Variants in BPNT1 observed in about 807,000 individuals in gnomAD.
BPNT1 encodes 3'(2'), 5'-bisphosphate nucleotidase 1, also known as 3'(2'),5'-bisphosphate nucleotidase 1.
A neutral mutation model predicts 36.9 loss-of-function variants in BPNT1; 28 were observed. The observed-to-expected ratio is 0.76, with a 90% CI of 0.56 to 1.04. The LOEUF is 1.04. BPNT1 is among the 50% of genes least tolerant of loss of function. The probability of loss-of-function intolerance (pLI) is 0.00; values close to 1 mark genes in which losing one functional copy is unlikely to be tolerated. For synonymous variants in BPNT1, 119 were observed against 130.9 expected, an observed-to-expected ratio of 0.91 and a Z score of 0.62; for missense variants, 313 against 372.9, an observed-to-expected ratio of 0.84 and a Z score of 1.32.
chr1:220,084,099 G>A (rs1198311234), intron 1 of BPNT1, among the ~76,000 whole-genome samples: 2 of 152,080 alleles, frequency 1.3e-5, no homozygotes, highest in East Asian at 1.9e-4. Flanking sequence ...ATGGGAGGCC[G>A]AGGTGGGTGG....
At chr1:220,083,441 A>C (rs899708489) in intron 1 of BPNT1, among the ~76,000 whole-genome samples, 10 of 151,184 alleles carry the variant, frequency 6.6e-5, no homozygotes, top group African/African-American at 2.4e-4. Context: ...CAGCCTCCCG[A>C]GTAGCTGGGA....
rs200261599 is a variant in BPNT1, at chr1:220,058,824, C to T, written c.*20G>A. ...GATTACAGGCATGAGCCACCGCGCC[C>T]GGCCAAATGAAACTTTCCTTTAAGG... On this transcript the variant is annotated 3_prime_UTR_variant, in exon 9 of 9. Transcript: ENST00000322067. 1.5e-3 allele frequency: 2,483 copies of T among 1,612,070 alleles called. 1 individual carries two copies. Among genetic ancestry groups the T allele is most frequent in the Non-Finnish European group, 1.9e-3 (2,241 of 1,178,634 alleles).
chr1:220,067,442 C>A, intron 5 of BPNT1, 49 bp from the exon 6 acceptor site: 1 of 1,262,680 alleles, frequency 7.9e-7, no homozygotes, highest in Non-Finnish European at 1.1e-6. Context: ...CATATTATGA[C>A]TCATCATTAC....
At chr1:220,059,975 A>G (rs1276857833) in intron 7 of BPNT1, among the ~76,000 whole-genome samples, 184 bp from the exon 8 acceptor site, 2 of 152,274 alleles carry the variant, frequency 1.3e-5, no homozygotes, top group Admixed American at 6.5e-5. Flanking sequence ...GAAGAAATAC[A>G]TAGAATAAAT....
At chr1:220,079,393 C>T (rs971175043) in intron 2 of BPNT1, among the ~76,000 whole-genome samples, 2 of 152,086 alleles carry the variant, frequency 1.3e-5, no homozygotes, top group Non-Finnish European at 2.9e-5. Flanking sequence ...GCTGGGATTA[C>T]AGGCGCTCGC....
At position 220,058,533 on chromosome 1, in the gene BPNT1, TG is replaced by T. The variant is rs1662721726; in HGVS notation, c.*310del. On this transcript the variant is annotated 3_prime_UTR_variant, in exon 9 of 9. Transcript: ENST00000322067. ...AAACTTTAAGTACTTTTTGGGTTTTTGTTTTTTTTTTTTCTGAGACAGGGCT... is the reference window on the plus strand; with the variant it reads ...AAACTTTAAGTACTTTTTGGGTTTTTTTTTTTTTTTTTCTGAGACAGGGCT... 11 of 996,488 alleles carry T rather than the reference TG, an allele frequency of 1.1e-5. No individual in the cohort carries two copies. The highest frequency in any genetic ancestry group is 9.0e-5 in the South Asian group (2 of 22,186). The allele number at this position is 996,488 out of a possible 1,614,324, so 61.7% of individuals were successfully genotyped here.
At chr1:220,085,910 A>C (rs1655672735) in intron 1 of BPNT1, among the ~76,000 whole-genome samples, 1 of 152,202 alleles carries the variant, frequency 6.6e-6, no homozygotes, top group South Asian at 2.1e-4. Context: ...TTCTCATATA[A>C]CGATTGTGAC....
At chr1:220,068,037 C>T (rs1663698760) in intron 5 of BPNT1, among the ~76,000 whole-genome samples, 1 of 152,080 alleles carries the variant, frequency 6.6e-6, no homozygotes, top group South Asian at 2.1e-4. Flanking sequence ...CTGTGATTCA[C>T]CCATTATAGC....
At chr1:220,082,296 T>A (rs1655253193) in intron 1 of BPNT1, among the ~76,000 whole-genome samples, 1 of 151,372 alleles carries the variant, frequency 6.6e-6, no homozygotes, top group South Asian at 2.1e-4. Context: ...TTCTCCTGCC[T>A]CAGCCTCGTG....
rs533725965 is a variant in BPNT1, at chr1:220,057,898, C to G, written c.*946G>C. 65 of 1,299,822 alleles carry G rather than the reference C, an allele frequency of 5.0e-5. No homozygotes were observed. In the African/African-American group the frequency reaches 9.9e-4, roughly 20 times the overall value. 80.5% of individuals were successfully genotyped at this position (1,299,822 alleles called of 1,614,324 possible). A position where few individuals can be genotyped will look rare whatever the true frequency, so the allele number is the denominator to read the frequency against. On this transcript the variant is annotated 3_prime_UTR_variant, in exon 9 of 9. Coordinates refer to ENST00000322067, the MANE Select transcript of BPNT1 (RefSeq NM_006085.6). The stretch of plus-strand genomic sequence containing the variant: ...GTGCCCTAAAGAAATCTGGTTTAGG[C>G]CAGGTGCGGTGGCTCACACCTGTAA...
Position 220,057,946 on chromosome 1 carries a change from G to A in BPNT1, c.*898C>T, listed in dbSNP as rs577005243. On this transcript the variant is annotated 3_prime_UTR_variant, in exon 9 of 9. Transcript: ENST00000322067. ...TAATCCCAGCACTTTGGGAGTCCGA[G>A]GCAGACAGATCACGATGTCAGGAGA... 26 of 969,692 alleles carry A rather than the reference G, an allele frequency of 2.7e-5. No individual in the cohort carries two copies. The highest frequency in any genetic ancestry group is 3.7e-5 in the Non-Finnish European group (26 of 702,138). The allele number at this position is 969,692 out of a possible 1,614,324, so 60.1% of individuals were successfully genotyped here.
chr1:220,069,105 T>C (rs1663809261), intron 5 of BPNT1, among the ~76,000 whole-genome samples: 1 of 152,108 alleles, frequency 6.6e-6, no homozygotes, highest in African/African-American at 2.4e-5. Flanking sequence ...GTATAGTCAT[T>C]TTGGTAACAC....
chr1:220,083,440 G>A (rs1655408657), intron 1 of BPNT1, among the ~76,000 whole-genome samples: 1 of 150,668 alleles, frequency 6.6e-6, no homozygotes, highest in Non-Finnish European at 1.5e-5. Context: ...TCAGCCTCCC[G>A]AGTAGCTGGG....
At position 220,082,022 on chromosome 1, in the gene BPNT1, T is replaced by C. The variant is rs569793899; in HGVS notation, c.-8-2168A>G. On this transcript the variant is annotated intron_variant, in intron 1 of 8. Coordinates refer to ENST00000322067, the MANE Select transcript of BPNT1 (RefSeq NM_006085.6). Reference sequence around the variant, plus strand: ...TCCCACCTCTAAATCAAATCAACATTATTTCATCGCAATAAGGGAACACAT... The same window carrying C: ...TCCCACCTCTAAATCAAATCAACATCATTTCATCGCAATAAGGGAACACAT... Among the ~76,000 whole-genome samples, 11 of 145,668 alleles carry C rather than the reference T, an allele frequency of 7.6e-5. No individual in the cohort carries two copies. The South Asian group carries it at 2.2e-3, about 29-fold the overall frequency.
chr1:220,062,858 T>C lies in BPNT1; in HGVS notation c.571A>G (p.Ile191Val), dbSNP rs563888320. Residue 191 changes from isoleucine (I) to valine (V), a missense_variant, in exon 7 of 9, where the codon ATT becomes GTT. Coordinates refer to ENST00000322067, the MANE Select transcript of BPNT1 (RefSeq NM_006085.6). ...CTATGGGATCGAGTAGTTGTGATAA[T>C]GTGTTTCCCAGCAGGGACTTCTTTC... ...QLKEVPAGKH[I>V]ITTTRSHSNK... 1 of 1,614,152 alleles carries C rather than the reference T, an allele frequency of 6.2e-7. No homozygotes were observed. The highest frequency in any genetic ancestry group is 1.3e-5 in the African/African-American group (1 of 75,034).
At chr1:220,083,239 A>C (rs199856212) in intron 1 of BPNT1, among the ~76,000 whole-genome samples, 27 of 114,732 alleles carry the variant, frequency 2.4e-4, no homozygotes, top group Non-Finnish European at 3.8e-4. Flanking sequence ...TCCATCTCAA[A>C]AAAAAAAAAA....
chr1:220,058,676 C>A lies in BPNT1; in HGVS notation c.*168G>T, dbSNP rs563299997. On this transcript the variant is annotated 3_prime_UTR_variant, in exon 9 of 9. Transcript: ENST00000322067. Reference sequence around the variant, plus strand: ...CCTCTCAAGTAGCTGGGATGACAGGCGCATGACAGGATGCCCAGTTAATTT... The same window carrying A: ...CCTCTCAAGTAGCTGGGATGACAGGAGCATGACAGGATGCCCAGTTAATTT... The A allele has an allele frequency of 2.7e-5, 21 of 767,588 alleles. No individual in the cohort carries two copies. Among genetic ancestry groups the A allele is most frequent in the Admixed American group, 6.1e-5 (2 of 32,704 alleles). 47.5% of individuals were successfully genotyped at this position (767,588 alleles called of 1,614,324 possible). A position where few individuals can be genotyped will look rare whatever the true frequency, so the allele number is the denominator to read the frequency against.
intron 3 of BPNT1, among the ~76,000 whole-genome samples, 166 bp downstream of exon 3, chr1:220,073,801 A>C (rs1399277381): frequency 6.6e-6 from 1 of 152,248 alleles, no homozygotes; most frequent in African/African-American, 2.4e-5. Flanking sequence ...ATGTCTTAAA[A>C]TCAGATATTT....
At chr1:220,076,457 T>C (rs1664553412) in intron 2 of BPNT1, among the ~76,000 whole-genome samples, 1 of 140,890 alleles carries the variant, frequency 7.1e-6, no homozygotes, top group African/African-American at 2.7e-5. Context: ...GCCAAGATCA[T>C]GCCACTGTAC....
Sources: allele counts gnomAD v4.1 joint callset (sites outside exome capture counted in the v4.1 genomes callset), GRCh38; gene constraint gnomAD v4.1.1; transcripts MANE v1.5; gene names NCBI Gene and HGNC (gene_info 2026-07-23, HGNC 2026-07-21).